Variants in SULF2 observed in about 807,000 individuals in gnomAD.
SULF2 encodes extracellular sulfatase Sulf-2.
A neutral mutation model predicts 107.7 loss-of-function variants in SULF2; 52 were observed. The ratio of observed to expected loss-of-function variants is 0.48; its 90% CI spans 0.39 to 0.61. SULF2 has a LOEUF of 0.61. SULF2 is among the 20% of genes least tolerant of loss of function. The pLI, the probability that SULF2 is intolerant of heterozygous loss-of-function variation, is 0.00. For missense variants in SULF2, 993 were observed against 1,177.3 expected (o/e 0.84, Z 2.29); for synonymous variants, 460 against 464.3 (o/e 0.99, Z 0.12).
At chr20:47,750,749 C>T (rs1454892249) in intron 2 of SULF2, among the ~76,000 whole-genome samples, 5 of 152,226 alleles carry the variant, frequency 3.3e-5, no homozygotes, top group African/African-American at 7.2e-5. Flanking sequence ...TCCCTATTAC[C>T]GTTCATTCTT....
At chr20:47,751,713 G>A (rs1025102506) in intron 2 of SULF2, among the ~76,000 whole-genome samples, 1 of 152,182 alleles carries the variant, frequency 6.6e-6, no homozygotes, top group Non-Finnish European at 1.5e-5. Context: ...GTCCAATAAA[G>A]TCCCCTTTTT....
intron 10 of SULF2, among the ~76,000 whole-genome samples, chr20:47,675,353 G>A (rs563503823): frequency 2.0e-5 from 3 of 152,144 alleles, no homozygotes; most frequent in African/African-American, 2.4e-5. Flanking sequence ...CCTGGCAAGC[G>A]GGGGGACGCA....
upstream of SULF2, chr20:47,785,919 C>A: frequency 6.5e-6 from 1 of 152,970 alleles, no homozygotes; most frequent in South Asian, 1.8e-4. Flanking sequence ...AAGTCCAGCT[C>A]CGGACGGGGC....
At chr20:47,703,476 G>T (rs969458854) in intron 3 of SULF2, among the ~76,000 whole-genome samples, 2 of 152,190 alleles carry the variant, frequency 1.3e-5, no homozygotes, top group African/African-American at 2.4e-5. Flanking sequence ...CTGCTATACA[G>T]CAACCAGAAT....
chr20:47,715,547 G>A (rs1363263430), intron 3 of SULF2, among the ~76,000 whole-genome samples: 1 of 151,742 alleles, frequency 6.6e-6, no homozygotes, highest in African/African-American at 2.4e-5. Flanking sequence ...GTAATGGGAG[G>A]CCTGTGGGAG....
chr20:47,760,875 G>A (rs1466026891), intron 1 of SULF2, among the ~76,000 whole-genome samples: 2 of 152,222 alleles, frequency 1.3e-5, no homozygotes, highest in Non-Finnish European at 2.9e-5. Flanking sequence ...CCTCATGACA[G>A]CCAGAGCCAC....
intron 6 of SULF2, 123 bp from the exon 7 acceptor site, chr20:47,683,292 A>C: frequency 1.0e-6 from 1 of 987,266 alleles, no homozygotes; most frequent in East Asian, 2.7e-5. Context: ...TCTTTGCTCA[A>C]CTTTCCCAGG....
intron 17 of SULF2, 100 bp downstream of exon 17, chr20:47,662,970 C>G: frequency 7.2e-7 from 1 of 1,392,526 alleles, no homozygotes; most frequent in Non-Finnish European, 9.9e-7. Context: ...CTCAGTGGGA[C>G]TTGGACAATT....
At position 47,702,531 on chromosome 20, in the gene SULF2, G is replaced by A. The variant is rs61730619; in HGVS notation, c.555C>T (p.Ser185=). 755 of 1,612,274 alleles carry A rather than the reference G, an allele frequency of 4.7e-4. 2 individuals carry two copies. The highest frequency in any genetic ancestry group is 4.6e-3 in the East Asian group (205 of 44,868). The change falls in exon 4 of 21, where the codon TCC becomes TCT. Residue 185 remains serine (S), a synonymous_variant. Coordinates refer to ENST00000688720, the MANE Select transcript of SULF2 (RefSeq NM_001387048.1). ...GGTTGCAGCTTACCTTGGAGTAGTC[G>A]GAGCCGTGCTTCTCTTTCACCCCGT... ...CRNGVKEKHG[S]DYSKDYLTDL...
At chr20:47,750,127 G>A (rs774004605) in intron 2 of SULF2, among the ~76,000 whole-genome samples, 15 of 152,306 alleles carry the variant, frequency 9.8e-5, no homozygotes, top group Middle Eastern at 3.4e-3. Flanking sequence ...GACTATAGGC[G>A]TGTGCCACCA....
intron 3 of SULF2, among the ~76,000 whole-genome samples, chr20:47,705,320 C>T (rs891823679): frequency 1.3e-5 from 2 of 152,152 alleles, no homozygotes; most frequent in Non-Finnish European, 2.9e-5. Flanking sequence ...AAGAACCTGG[C>T]GTTCTGCAGA....
chr20:47,732,770 G>T (rs1436470560), intron 3 of SULF2, among the ~76,000 whole-genome samples: 1 of 152,218 alleles, frequency 6.6e-6, no homozygotes, highest in Admixed American at 6.5e-5. Flanking sequence ...TTGAACCCGG[G>T]AGGTGGAGGT....
intron 1 of SULF2, among the ~76,000 whole-genome samples, chr20:47,760,122 C>A (rs2090386116): frequency 1.3e-5 from 2 of 152,214 alleles, no homozygotes; most frequent in African/African-American, 4.8e-5. Flanking sequence ...GCCCCAGCCA[C>A]CCTCCATGGA....
intron 17 of SULF2, 80 bp from the exon 18 acceptor site, chr20:47,661,976 T>C: frequency 7.4e-7 from 1 of 1,348,550 alleles, no homozygotes; most frequent in Non-Finnish European, 9.7e-7. Flanking sequence ...AGGGGACATA[T>C]TTCAGGCAGG....
chr20:47,714,912 G>A (rs888236837), intron 3 of SULF2, among the ~76,000 whole-genome samples: 1 of 151,922 alleles, frequency 6.6e-6, no homozygotes, highest in Non-Finnish European at 1.5e-5. Flanking sequence ...CCAGCTATTT[G>A]CTCAAAGCTT....
Position 47,736,868 on chromosome 20 carries a change from T to C in SULF2, c.250A>G (p.Thr84Ala). The C allele has an allele frequency of 6.2e-7, 1 of 1,614,200 alleles. No homozygotes were observed. Residue 84 changes from threonine (T) to alanine (A), a missense_variant, in exon 3 of 21, where the codon ACC becomes GCC. Thr to Ala is a moderately conservative substitution (Grantham distance 58). Transcript: ENST00000688720. ...GGAHFINAFV[T>A]TPMCCPSRSS... is the part of the protein sequence containing the mutation. ...CGTGAGGGGCAGCACATGGGTGTGG[T>C]CACGAAGGCGTTGATGAAGTGCGCC...
At chr20:47,709,967 T>A (rs1224009073) in intron 3 of SULF2, among the ~76,000 whole-genome samples, 1 of 151,390 alleles carries the variant, frequency 6.6e-6, no homozygotes, top group Non-Finnish European at 1.5e-5. Context: ...AGTGGCATGA[T>A]CTCAGCTCAC....
Position 47,678,866 on chromosome 20 carries a change from G to C in SULF2, c.1065-62C>G, listed in dbSNP as rs574200654. On this transcript the variant is annotated intron_variant, in intron 7 of 20. Coordinates refer to ENST00000688720, the MANE Select transcript of SULF2 (RefSeq NM_001387048.1). The surrounding 1 kb of genome is among the most constrained non-coding windows in gnomAD (Gnocchi z 4.5). ...GGTGGTGGTGCCTCAGCCTCGCGTG[G>C]GGGGTGGGGAGCGGTAGGTGGGCAG... The C allele has an allele frequency of 3.3e-6, 5 of 1,500,392 alleles. No individual in the cohort carries two copies. Among genetic ancestry groups the C allele is most frequent in the South Asian group, 1.1e-5 (1 of 88,142 alleles). The allele number at this position is 1,500,392 out of a possible 1,614,324, so 92.9% of individuals were successfully genotyped here.
At chr20:47,734,357 G>C (rs1312276235) in intron 3 of SULF2, among the ~76,000 whole-genome samples, 1 of 152,060 alleles carries the variant, frequency 6.6e-6, no homozygotes, top group South Asian at 2.1e-4. Flanking sequence ...TGGTCCTTGG[G>C]GGATTAAAAA....
Sources: gnomAD v4.1 joint callset for allele counts (sites outside exome capture counted in the v4.1 genomes callset) on GRCh38, gnomAD v4.1.1 for gene constraint, Gnocchi (gnomAD v3.1) non-coding constraint, MANE v1.5 for transcripts, NCBI Gene and HGNC (gene_info 2026-07-23, HGNC 2026-07-21) for gene names.